Variants in FSTL5 observed in about 807,000 individuals in gnomAD.
FSTL5 encodes follistatin like 5.
Under a neutral mutation model 89.1 loss-of-function variants are expected in FSTL5, and 62 were observed. That is an observed-to-expected ratio of 0.70 (90% CI 0.57 to 0.86). The LOEUF (loss-of-function observed/expected upper bound fraction) is 0.86, where lower values mean the gene tolerates loss of function less well. Among genes scored for constraint, FSTL5 ranks in the 40% least tolerant of loss-of-function variants. The pLI, the probability that FSTL5 is intolerant of heterozygous loss-of-function variation, is 0.00. For synonymous variants in FSTL5, 383 were observed against 346.2 expected, an observed-to-expected ratio of 1.11 and a Z score of -1.18; for missense variants, 1,057 against 1,001.6, an observed-to-expected ratio of 1.06 and a Z score of -0.75.
chr4:162,091,905 T>C (rs1199557169), intron 2 of FSTL5, among the ~76,000 whole-genome samples: 1 of 151,360 alleles, frequency 6.6e-6, no homozygotes, highest in Non-Finnish European at 1.5e-5. Context: ...TAAGGTAATC[T>C]ATAGAATATA....
chr4:161,732,542 T>A (rs1387226795), intron 6 of FSTL5, among the ~76,000 whole-genome samples: 2 of 152,036 alleles, frequency 1.3e-5, no homozygotes, highest in African/African-American at 4.8e-5. Flanking sequence ...TTAGTAATTT[T>A]TATATATAAT....
intron 4 of FSTL5, among the ~76,000 whole-genome samples, chr4:161,912,372 T>C (rs1428414368): frequency 1.3e-5 from 2 of 152,170 alleles, no homozygotes; most frequent in African/African-American, 4.8e-5. Flanking sequence ...TTCCCATGTG[T>C]TGTTGGAGGG....
chr4:161,545,421 AT>A (rs1731969444), intron 8 of FSTL5, among the ~76,000 whole-genome samples: 1 of 144,900 alleles, frequency 6.9e-6, no homozygotes, highest in Non-Finnish European at 1.5e-5. Context: ...TTAGCCATTA[AT>A]TAATTCAGTG....
intron 2 of FSTL5, among the ~76,000 whole-genome samples, chr4:162,108,999 T>C (rs984258175): frequency 1.3e-5 from 2 of 151,984 alleles, no homozygotes; most frequent in African/African-American, 4.8e-5. Flanking sequence ...TCTTGACAAA[T>C]GGTGTCGAGT....
At chr4:161,406,858 A>G (rs1731397918) in intron 15 of FSTL5, among the ~76,000 whole-genome samples, 1 of 152,176 alleles carries the variant, frequency 6.6e-6, no homozygotes, top group African/African-American at 2.4e-5. Flanking sequence ...TAGGGTGGAT[A>G]GAGTGTCTAA....
chr4:161,675,090 C>A lies in FSTL5; in HGVS notation c.728-18596G>T, dbSNP rs145443151. Among the ~76,000 whole-genome samples the A allele has an allele frequency of 6.0e-3, 909 of 152,218 alleles. 9 individuals are homozygous for A. The highest frequency in any genetic ancestry group is 0.046 in the South Asian group (220 of 4,818). On this transcript the variant is annotated intron_variant, in intron 6 of 15. Transcript: ENST00000306100. Reference sequence around the variant, plus strand: ...AAAGCAGGATAGTTTATAAGCATTTCAATTCACCAGATAGGTATGACTCTA... The same window carrying A: ...AAAGCAGGATAGTTTATAAGCATTTAAATTCACCAGATAGGTATGACTCTA...
intron 1 of FSTL5, among the ~76,000 whole-genome samples, chr4:162,114,725 G>A (rs773612612): frequency 1.1e-4 from 16 of 151,968 alleles, no homozygotes; most frequent in Non-Finnish European, 2.2e-4. Context: ...TCTACCCAAA[G>A]GCAGTAAGCT....
intron 2 of FSTL5, among the ~76,000 whole-genome samples, chr4:162,084,109 AAT>A (rs1437168852): frequency 6.6e-6 from 1 of 151,932 alleles, no homozygotes; most frequent in Non-Finnish European, 1.5e-5. Context: ...ATAAAATTAT[AAT>A]AAATAAAATT....
chr4:161,886,691 T>C (rs201410544), intron 4 of FSTL5, among the ~76,000 whole-genome samples: 1 of 152,148 alleles, frequency 6.6e-6, no homozygotes, highest in East Asian at 1.9e-4. Context: ...AAAGTCAACA[T>C]TAATAATTCA....
At chr4:161,503,758 C>T (rs1030298977) in intron 11 of FSTL5, among the ~76,000 whole-genome samples, 5 of 151,808 alleles carry the variant, frequency 3.3e-5, no homozygotes, top group Admixed American at 1.3e-4. Context: ...AATAACAGGG[C>T]CTAAAAAAGA....
intron 15 of FSTL5, among the ~76,000 whole-genome samples, chr4:161,445,633 G>C (rs1366675760): frequency 6.6e-6 from 1 of 151,870 alleles, no homozygotes; most frequent in African/African-American, 2.4e-5. Context: ...TGTTAAAATT[G>C]ATCTGTTAGT....
At chr4:162,085,887 A>T (rs1730297944) in intron 2 of FSTL5, among the ~76,000 whole-genome samples, 1 of 152,114 alleles carries the variant, frequency 6.6e-6, no homozygotes, top group Admixed American at 6.6e-5. Context: ...ATTCTAAGCC[A>T]ATTTCACAGT....
chr4:161,508,760 T>G (rs1406392998), intron 11 of FSTL5, among the ~76,000 whole-genome samples: 1 of 152,146 alleles, frequency 6.6e-6, no homozygotes, highest in Non-Finnish European at 1.5e-5. Context: ...ATACTTTAAG[T>G]TGATTTACAT....
intron 6 of FSTL5, among the ~76,000 whole-genome samples, chr4:161,710,457 A>T (rs557991019): frequency 1.7e-4 from 26 of 152,230 alleles, no homozygotes; most frequent in African/African-American, 6.0e-4. Context: ...TTGGCTTTAG[A>T]TTTTGCATGT....
intron 12 of FSTL5, 78 bp downstream of exon 12, chr4:161,499,938 T>C: frequency 1.2e-6 from 1 of 813,776 alleles, no homozygotes; most frequent in Non-Finnish European, 2.1e-6. Flanking sequence ...ATGTATAGGT[T>C]TTGTTATATT....
At chr4:161,995,628 T>C (rs950621564) in intron 3 of FSTL5, among the ~76,000 whole-genome samples, 3 of 152,156 alleles carry the variant, frequency 2.0e-5, no homozygotes, top group Admixed American at 1.3e-4. Flanking sequence ...TTTCCTAGGA[T>C]AGACACTGTA....
intron 4 of FSTL5, among the ~76,000 whole-genome samples, chr4:161,855,643 T>C (rs768898886): frequency 4.6e-5 from 7 of 152,144 alleles, no homozygotes; most frequent in Non-Finnish European, 1.0e-4. Flanking sequence ...CTCTGAATCT[T>C]GTTTAATTGT....
chr4:161,468,611 T>A (rs537072186), intron 13 of FSTL5, among the ~76,000 whole-genome samples: 1 of 152,154 alleles, frequency 6.6e-6, no homozygotes, highest in Admixed American at 6.5e-5. Flanking sequence ...AGATTATTGT[T>A]TTTTGTTTCA....
intron 6 of FSTL5, among the ~76,000 whole-genome samples, chr4:161,708,025 A>C (rs1231703735): frequency 2.0e-5 from 3 of 152,086 alleles, no homozygotes; most frequent in African/African-American, 7.2e-5. Context: ...ATTGTAGAAC[A>C]TTCTACTGAG....
Sources: allele counts gnomAD v4.1 joint callset (sites outside exome capture counted in the v4.1 genomes callset), GRCh38; gene constraint gnomAD v4.1.1; transcripts MANE v1.5; gene names NCBI Gene and HGNC (gene_info 2026-07-23, HGNC 2026-07-21).